The following DCLK2 variants were observed in gnomAD, a reference collection of about 807,000 sequenced individuals.
DCLK2 encodes the protein doublecortin like kinase 2, also known as serine/threonine-protein kinase DCLK2.
A neutral mutation model predicts 78.4 loss-of-function variants in DCLK2; 31 were observed. The observed-to-expected ratio is 0.40, with a 90% CI of 0.30 to 0.53. The LOEUF (loss-of-function observed/expected upper bound fraction) is 0.53, where lower values mean the gene tolerates loss of function less well. Ranked by LOEUF, DCLK2 falls within the 20% of genes least tolerant of loss-of-function variation. The pLI, the probability that DCLK2 is intolerant of heterozygous loss-of-function variation, is 0.61. For missense variants in DCLK2, 872 were observed against 973.7 expected (o/e 0.90, Z 1.39); for synonymous variants, 407 against 374.9 (o/e 1.09, Z -0.99).
In DCLK2 at chr4:150,082,128, A is replaced by G. The variant is rs984754523; in HGVS notation, c.421+2680A>G. On this transcript the variant is annotated intron_variant, in intron 1 of 15. Coordinates refer to ENST00000296550, the MANE Select transcript of DCLK2 (RefSeq NM_001040260.4). ...CTCAGATTTTTCATGTAGGAGAACTAAGCAGCTATCTGTGAAGTTATTTGC... is the reference window on the plus strand; with the variant it reads ...CTCAGATTTTTCATGTAGGAGAACTGAGCAGCTATCTGTGAAGTTATTTGC... 3.9e-5 allele frequency among the ~76,000 whole-genome samples: 6 copies of G among 152,304 alleles called. No individual in the cohort carries two copies. The South Asian group carries it at 1.2e-3, about 32-fold the overall frequency.
intron 8 of DCLK2, 41 bp downstream of exon 8, chr4:150,224,599 T>G: frequency 6.5e-7 from 1 of 1,546,872 alleles, no homozygotes; most frequent in Non-Finnish European, 8.8e-7. Context: ...GAAACTAGAG[T>G]AACTTGGTGA....
chr4:150,107,349 T>G (rs1731331335), intron 2 of DCLK2, among the ~76,000 whole-genome samples: 2 of 151,796 alleles, frequency 1.3e-5, no homozygotes, highest in Non-Finnish European at 2.9e-5. Context: ...TGTTAGAATG[T>G]CATGGTTTGT....
intron 2 of DCLK2, among the ~76,000 whole-genome samples, chr4:150,133,297 A>G (rs1733457806): frequency 6.9e-6 from 1 of 144,136 alleles, no homozygotes; most frequent in Admixed American, 6.9e-5. Context: ...TGATGTGCAC[A>G]GCGCAACTCA....
intron 2 of DCLK2, among the ~76,000 whole-genome samples, chr4:150,122,404 C>T (rs1186989602): frequency 3.3e-5 from 5 of 152,124 alleles, no homozygotes; most frequent in Admixed American, 1.3e-4. Flanking sequence ...ACATATACAC[C>T]ATGGAATACT....
chr4:150,091,504 C>T (rs966913825), intron 1 of DCLK2, among the ~76,000 whole-genome samples: 27 of 152,070 alleles, frequency 1.8e-4, no homozygotes, highest in Admixed American at 1.6e-3. Flanking sequence ...TCCTTTTTAT[C>T]ATTAAGTTCA....
chr4:150,080,111 G>GC (rs540978992), intron 1 of DCLK2, among the ~76,000 whole-genome samples: 10,615 of 129,480 alleles, frequency 0.082, 880 homozygotes, highest in South Asian at 0.15. Flanking sequence ...AGTCTCAAAA[G>GC]CCCCCCCCCC....
At chr4:150,104,964 T>G (rs1304579979) in intron 2 of DCLK2, among the ~76,000 whole-genome samples, 1 of 152,112 alleles carries the variant, frequency 6.6e-6, no homozygotes, top group East Asian at 1.9e-4. Flanking sequence ...TAAATGAGAC[T>G]TTTTAGGAGG....
intron 2 of DCLK2, among the ~76,000 whole-genome samples, chr4:150,147,942 G>T (rs764930111): frequency 1.3e-5 from 2 of 152,188 alleles, no homozygotes; most frequent in Non-Finnish European, 2.9e-5. Context: ...TGAAATTAGG[G>T]TTGCCCTAGA....
intron 3 of DCLK2, among the ~76,000 whole-genome samples, chr4:150,197,713 G>A (rs189379526): frequency 6.6e-6 from 1 of 151,734 alleles, no homozygotes; most frequent in Admixed American, 6.6e-5. Context: ...AGAATCGCTT[G>A]AACCTGGGAG....
chr4:150,084,049 G>C (rs2150130221), intron 1 of DCLK2, among the ~76,000 whole-genome samples: 1 of 152,370 alleles, frequency 6.6e-6, no homozygotes, highest in African/African-American at 2.4e-5. Flanking sequence ...TATTGGCCGG[G>C]GTGATGTGGA....
rs117721705 is a variant in DCLK2, at chr4:150,122,232, A to T, written c.756+19420A>T. 3.2e-4 allele frequency among the ~76,000 whole-genome samples: 49 copies of T among 152,362 alleles called. No individual in the cohort carries two copies. In the East Asian group the frequency reaches 5.8e-3, roughly 18 times the overall value. On this transcript the variant is annotated intron_variant, in intron 2 of 15. Transcript: ENST00000296550. ...TAAATCCTTTGTTGTCATTTCAACA[A>T]TAGAGCATATATGCTATTACTGGGT...
In DCLK2 at chr4:150,105,275, G is replaced by A. The variant is rs545428897; in HGVS notation, c.756+2463G>A. ...AAAATGAAAGATTTCTGGATGCCAA[G>A]CAAGGGTTTATATGCTTTAATATTG... On this transcript the variant is annotated intron_variant, in intron 2 of 15. Transcript: ENST00000296550. Among the ~76,000 whole-genome samples the A allele has an allele frequency of 2.9e-3, 445 of 152,210 alleles. 2 individuals carry two copies. The highest frequency in any genetic ancestry group is 5.3e-3 in the Non-Finnish European group (361 of 67,964).
chr4:150,094,971 A>C (rs1021293915), intron 1 of DCLK2, among the ~76,000 whole-genome samples: 1 of 152,208 alleles, frequency 6.6e-6, no homozygotes, highest in African/African-American at 2.4e-5. Context: ...GTCTGTACTT[A>C]TGCAACAAAA....
At chr4:150,128,041 A>G (rs954862138) in intron 2 of DCLK2, among the ~76,000 whole-genome samples, 1 of 152,176 alleles carries the variant, frequency 6.6e-6, no homozygotes, top group South Asian at 2.1e-4. Flanking sequence ...TGATTCCATG[A>G]TTCTCAACAG....
intron 8 of DCLK2, among the ~76,000 whole-genome samples, chr4:150,230,885 C>T (rs945311095): frequency 1.3e-5 from 2 of 152,112 alleles, no homozygotes; most frequent in Non-Finnish European, 2.9e-5. Context: ...GATTTTGAAG[C>T]GTTTGTTGAG....
intron 2 of DCLK2, among the ~76,000 whole-genome samples, chr4:150,180,048 C>G (rs914349563): frequency 2.0e-5 from 3 of 152,106 alleles, no homozygotes; most frequent in Admixed American, 6.6e-5. Flanking sequence ...GGGTTTTAGA[C>G]AAGTATAAAA....
At chr4:150,182,022 G>A (rs1359976752) in intron 2 of DCLK2, among the ~76,000 whole-genome samples, 1 of 151,510 alleles carries the variant, frequency 6.6e-6, no homozygotes, top group African/African-American at 2.4e-5. Flanking sequence ...TTTCAGATAT[G>A]GTTTCCCTGT....
intron 15 of DCLK2, chr4:150,253,235 A>C (rs1410451060): frequency 1.9e-6 from 1 of 524,216 alleles, no homozygotes; most frequent in Non-Finnish European, 3.8e-6. Flanking sequence ...CATAACTGAG[A>C]CTGTGGGGCC....
intron 10 of DCLK2, among the ~76,000 whole-genome samples, chr4:150,233,861 G>T (rs1742264954): frequency 6.6e-6 from 1 of 152,058 alleles, no homozygotes; most frequent in Non-Finnish European, 1.5e-5. Context: ...TTGCTAATTG[G>T]GAACCAATCC....
Sources: allele counts gnomAD v4.1 joint callset (sites outside exome capture counted in the v4.1 genomes callset), GRCh38; gene constraint gnomAD v4.1.1; transcripts MANE v1.5; gene names NCBI Gene and HGNC (gene_info 2026-07-23, HGNC 2026-07-21).